EXT1: variants seen among roughly 807,000 people sequenced by gnomAD.
The protein encoded by EXT1 is exostosin glycosyltransferase 1.
In EXT1, 20 loss-of-function variants were observed where a neutral mutation model predicts 82.5. The observed-to-expected ratio is 0.24, with a 90% CI of 0.17 to 0.35. The LOEUF (loss-of-function observed/expected upper bound fraction) is 0.35, where lower values mean the gene tolerates loss of function less well. EXT1 is among the 10% of genes least tolerant of loss of function. The pLI is 1.00. For synonymous variants in EXT1, 348 were observed against 350.8 expected, an observed-to-expected ratio of 0.99 and a Z score of 0.09; for missense variants, 757 against 936.5, an observed-to-expected ratio of 0.81 and a Z score of 2.50.
At chr8:118,097,340 G>A (rs757241792) in intron 1 of EXT1, among the ~76,000 whole-genome samples, 5 of 152,104 alleles carry the variant, frequency 3.3e-5, no homozygotes, top group Non-Finnish European at 7.4e-5. Context: ...CCAGCTACTC[G>A]GGAGGCTGAG....
At chr8:117,967,940 T>G (rs1586314949) in intron 1 of EXT1, among the ~76,000 whole-genome samples, 1 of 152,350 alleles carries the variant, frequency 6.6e-6, no homozygotes, top group African/African-American at 2.4e-5. Flanking sequence ...TCCATATTTC[T>G]GCTAAATGAA....
chr8:117,812,098 G>C (rs1823335051), intron 8 of EXT1, among the ~76,000 whole-genome samples: 1 of 152,146 alleles, frequency 6.6e-6, no homozygotes, highest in Non-Finnish European at 1.5e-5. Context: ...GAGGGGAAAG[G>C]TGTAAGTAGT....
intron 1 of EXT1, among the ~76,000 whole-genome samples, chr8:118,052,932 G>C (rs1260748787): frequency 6.6e-6 from 1 of 152,200 alleles, no homozygotes; most frequent in African/African-American, 2.4e-5. Flanking sequence ...ATCCTAGACT[G>C]TTGCAGTGTT....
chr8:117,828,889 TG>T (rs1812051325), intron 4 of EXT1, among the ~76,000 whole-genome samples: 1 of 152,012 alleles, frequency 6.6e-6, no homozygotes, highest in Admixed American at 6.5e-5. Flanking sequence ...CAGCATGGGG[TG>T]GATAAATGCC....
intron 1 of EXT1, among the ~76,000 whole-genome samples, chr8:117,925,799 G>A (rs565408860): frequency 2.0e-5 from 3 of 152,050 alleles, no homozygotes; most frequent in African/African-American, 7.2e-5. Flanking sequence ...TCTGGAGGCT[G>A]AGGTGGGAGG....
At position 117,894,254 on chromosome 8, in the gene EXT1, G is replaced by T. The variant is rs1813297223; in HGVS notation, c.963-57053C>A. 3.3e-5 allele frequency among the ~76,000 whole-genome samples: 5 copies of T among 151,818 alleles called. No homozygotes were observed. In the South Asian group the frequency reaches 1.0e-3, roughly 32 times the overall value. Reference sequence around the variant, plus strand: ...AGGTCTCGCTATATTGTCCAGGCTGGTCTTGAACAACTGAGTTCAAGCAAT... The same window carrying T: ...AGGTCTCGCTATATTGTCCAGGCTGTTCTTGAACAACTGAGTTCAAGCAAT... On this transcript the variant is annotated intron_variant, in intron 1 of 10. Coordinates refer to ENST00000378204, the MANE Select transcript of EXT1 (RefSeq NM_000127.3).
intron 1 of EXT1, among the ~76,000 whole-genome samples, chr8:118,006,966 AGTT>A (rs776909695): frequency 6.6e-6 from 1 of 152,174 alleles, no homozygotes; most frequent in Non-Finnish European, 1.5e-5. Context: ...GAAATCCTTC[AGTT>A]GTTAGAGTTG....
chr8:118,000,475 T>C (rs1815638723), intron 1 of EXT1, among the ~76,000 whole-genome samples: 1 of 152,162 alleles, frequency 6.6e-6, no homozygotes, highest in Admixed American at 6.5e-5. Flanking sequence ...TTTACACACC[T>C]CTCTGTGTAA....
intron 1 of EXT1, among the ~76,000 whole-genome samples, chr8:118,074,684 C>A (rs1357922638): frequency 6.6e-6 from 1 of 151,850 alleles, no homozygotes; most frequent in Non-Finnish European, 1.5e-5. Context: ...TTTCTCCAGG[C>A]AAGAGAAAGG....
chr8:118,071,622 C>G (rs1481540644), intron 1 of EXT1, among the ~76,000 whole-genome samples: 1 of 152,066 alleles, frequency 6.6e-6, no homozygotes, highest in Non-Finnish European at 1.5e-5. Flanking sequence ...AAGATGATAC[C>G]TCTTTAGCTT....
At chr8:118,002,558 G>GTCT in intron 1 of EXT1, among the ~76,000 whole-genome samples, 1 of 106,468 alleles carries the variant, frequency 9.4e-6, no homozygotes, top group South Asian at 2.9e-4. Flanking sequence ...TTGAGACAGA[G>GTCT]TCTTGCTCTG....
intron 1 of EXT1, among the ~76,000 whole-genome samples, chr8:117,983,179 A>C (rs1012016341): frequency 6.6e-6 from 1 of 152,210 alleles, no homozygotes; most frequent in African/African-American, 2.4e-5. Context: ...TAACAGCATA[A>C]ACTATCAGAA....
rs372575361 is a variant in EXT1, at chr8:117,867,260, G to GAAAAAAAAAAAAAAAAAAAAAAAA, written c.963-30060_963-30059insTTTTTTTTTTTTTTTTTTTTTTTT. 6.9e-4 allele frequency among the ~76,000 whole-genome samples: 68 copies of GAAAAAAAAAAAAAAAAAAAAAAAA among 98,882 alleles called. 4 individuals are homozygous for GAAAAAAAAAAAAAAAAAAAAAAAA. The highest frequency in any genetic ancestry group is 2.5e-3 in the African/African-American group (63 of 24,748). The allele number at this position is 98,882 out of a possible 152,430, so 64.9% of individuals were successfully genotyped here. ...GGCGACAGAGTGAGACTCCACCTCA[G>GAAAAAAAAAAAAAAAAAAAAAAAA]AAAAAAAAAAAAAGCTTGAGGAAAT... is the stretch of plus-strand genomic sequence containing the variant. On this transcript the variant is annotated intron_variant, in intron 1 of 10. Coordinates refer to ENST00000378204, the MANE Select transcript of EXT1 (RefSeq NM_000127.3).
intron 1 of EXT1, among the ~76,000 whole-genome samples, chr8:117,997,016 C>G (rs1815551274): frequency 6.6e-6 from 1 of 152,122 alleles, no homozygotes; most frequent in East Asian, 1.9e-4. Context: ...GTGCAAGATG[C>G]CTTGAGTTCC....
At chr8:117,825,555 T>C (rs1170002106) in intron 4 of EXT1, among the ~76,000 whole-genome samples, 2 of 152,236 alleles carry the variant, frequency 1.3e-5, no homozygotes, top group African/African-American at 4.8e-5. Flanking sequence ...ATATTTCTAA[T>C]TGATGTGAAT....
At chr8:117,922,071 T>C (rs745390669) in intron 1 of EXT1, among the ~76,000 whole-genome samples, 5 of 152,130 alleles carry the variant, frequency 3.3e-5, no homozygotes, top group African/African-American at 4.8e-5. Context: ...CAACTGGATT[T>C]GCTGCTGCAG....
At position 117,861,532 on chromosome 8, in the gene EXT1, T is replaced by TGGAGTA. The variant is rs1222761792; in HGVS notation, c.963-24332_963-24331insTACTCC. The stretch of plus-strand genomic sequence containing the variant: ...TTTTTTGAGATAGAGTCTTGCTCTG[T>TGGAGTA]CACCCAGGCTGGAGGGCAGTGGCAT... On this transcript the variant is annotated intron_variant, in intron 1 of 10. Coordinates refer to ENST00000378204, the MANE Select transcript of EXT1 (RefSeq NM_000127.3). 2.3e-3 allele frequency among the ~76,000 whole-genome samples: 317 copies of TGGAGTA among 135,118 alleles called. 5 individuals are homozygous for TGGAGTA. The highest frequency in any genetic ancestry group is 3.2e-3 in the Admixed American group (40 of 12,690). 88.6% of individuals were successfully genotyped at this position (135,118 alleles called of 152,430 possible).
At chr8:117,960,252 C>A (rs1814673611) in intron 1 of EXT1, among the ~76,000 whole-genome samples, 1 of 152,084 alleles carries the variant, frequency 6.6e-6, no homozygotes, top group Non-Finnish European at 1.5e-5. Context: ...AAAATAGATA[C>A]CCAATAAAAT....
At chr8:117,812,768 T>C (rs978331891) in intron 8 of EXT1, 104 bp downstream of exon 8, 5 of 1,094,970 alleles carry the variant, frequency 4.6e-6, no homozygotes, top group Middle Eastern at 2.7e-4. Flanking sequence ...TGAAAAATGT[T>C]TTCAACTTCT....
Sources: gnomAD v4.1 joint callset for allele counts (sites outside exome capture counted in the v4.1 genomes callset) on GRCh38, gnomAD v4.1.1 for gene constraint, MANE v1.5 for transcripts, NCBI Gene and HGNC (gene_info 2026-07-23, HGNC 2026-07-21) for gene names.